RBM6: variants seen among roughly 807,000 people sequenced by gnomAD.
RBM6 encodes the protein RNA binding motif protein 6, also known as RNA-binding protein 6.
RBM6 carries 23 observed loss-of-function variants against 140.4 expected under a neutral mutation model. That is an observed-to-expected ratio of 0.16 (90% CI 0.12 to 0.23). The LOEUF (loss-of-function observed/expected upper bound fraction) is 0.23. Ranked by LOEUF, RBM6 falls within the 10% of genes least tolerant of loss-of-function variation. The pLI is 1.00. For missense variants in RBM6, 1,139 were observed against 1,386.7 expected (o/e 0.82, Z 2.84); for synonymous variants, 439 against 475.6 (o/e 0.92, Z 1.00).
At chr3:50,061,439 G>T in intron 13 of RBM6, 23 bp from the exon 14 acceptor site, 1 of 1,587,406 alleles carries the variant, frequency 6.3e-7, no homozygotes. Flanking sequence ...GACTAACATT[G>T]GCTCTGATCT....
chr3:50,073,102 G>A (rs1019925332), intron 19 of RBM6, among the ~76,000 whole-genome samples: 3 of 152,140 alleles, frequency 2.0e-5, no homozygotes, highest in African/African-American at 4.8e-5. Flanking sequence ...TATTATTTCA[G>A]AGTAGCAGCA....
Position 49,981,051 on chromosome 3 carries a change from TGCCACCATGCCCA to T in RBM6, c.1483+5662_1483+5674del, listed in dbSNP as rs755789125. Among the ~76,000 whole-genome samples the T allele has an allele frequency of 9.9e-4, 150 of 151,954 alleles. 1 individual carries two copies. Among genetic ancestry groups the T allele is most frequent in the Non-Finnish European group, 1.9e-3 (127 of 67,950 alleles). ...CGGAGTAGCTGGGATTATAGGCGCC[TGCCACCATGCCCA>T]GCTAATTTTTTGTATTTTTTAGTAG... On this transcript the variant is annotated intron_variant, in intron 5 of 20. Coordinates refer to ENST00000266022, the MANE Select transcript of RBM6 (RefSeq NM_005777.3).
chr3:50,044,896 T>A (rs1216808944), intron 6 of RBM6, among the ~76,000 whole-genome samples: 1 of 152,108 alleles, frequency 6.6e-6, no homozygotes, highest in Non-Finnish European at 1.5e-5. Context: ...TTTGGAAAAA[T>A]AATAATAATT....
intron 6 of RBM6, among the ~76,000 whole-genome samples, chr3:50,000,671 G>A (rs1372198341): frequency 7.2e-5 from 11 of 151,874 alleles, no homozygotes; most frequent in Non-Finnish European, 1.5e-4. Context: ...TGCCTGCCTC[G>A]GCCTCCCAAA....
chr3:50,073,470 A>G lies in RBM6; in HGVS notation c.3117-1731A>G, dbSNP rs533865066. Among the ~76,000 whole-genome samples, 8 of 152,318 alleles carry G rather than the reference A, an allele frequency of 5.3e-5. No individual in the cohort carries two copies. The East Asian group carries it at 1.5e-3, about 29-fold the overall frequency. ...ACTCCTGCAATAACAGCATTAATCC[A>G]TTTGTGAGGGCAGAGCTCTCATGAC... On this transcript the variant is annotated intron_variant, in intron 19 of 20. Transcript: ENST00000266022.
chr3:50,033,639 T>C (rs2088317566), intron 6 of RBM6, among the ~76,000 whole-genome samples: 2 of 151,990 alleles, frequency 1.3e-5, no homozygotes, highest in Admixed American at 6.6e-5. Flanking sequence ...GCTTTGGATA[T>C]GGTTTTTTCT....
intron 5 of RBM6, 56 bp downstream of exon 5, chr3:49,975,448 C>A: frequency 7.2e-7 from 1 of 1,380,950 alleles, no homozygotes; most frequent in Non-Finnish European, 1.0e-6. Flanking sequence ...TGTCAGATCT[C>A]TGCATCATGT....
chr3:50,073,144 A>C (rs1363305411), intron 19 of RBM6, among the ~76,000 whole-genome samples: 5 of 152,196 alleles, frequency 3.3e-5, no homozygotes, highest in African/African-American at 1.2e-4. Context: ...GGTCTGATCC[A>C]TCCTCCTCCT....
At chr3:49,941,670 A>AAAAAAAAAC (rs2083288832) in intron 1 of RBM6, among the ~76,000 whole-genome samples, 1 of 146,812 alleles carries the variant, frequency 6.8e-6, no homozygotes, top group African/African-American at 2.5e-5. Flanking sequence ...AAAAAAAAAA[A>AAAAAAAAAC]CCCGCAAAAC....
intron 5 of RBM6, among the ~76,000 whole-genome samples, chr3:49,975,646 G>A (rs563553604): frequency 1.8e-4 from 28 of 152,318 alleles, no homozygotes; most frequent in Middle Eastern, 3.4e-3. Flanking sequence ...TGCAGCAATT[G>A]CCTTGAATAT....
chr3:49,987,725 G>A (rs146958887), intron 5 of RBM6, among the ~76,000 whole-genome samples: 6,838 of 151,578 alleles, frequency 0.045, 226 homozygotes, highest in Non-Finnish European at 0.062. Flanking sequence ...TGCAACCTCT[G>A]CCTCCTGGGT....
Position 50,060,904 on chromosome 3 carries a change from G to A in RBM6, c.2229-52G>A, listed in dbSNP as rs17050913. 4.3e-3 allele frequency: 6,479 copies of A among 1,514,224 alleles called. 235 individuals carry two copies. In the African/African-American group the frequency reaches 0.082, roughly 19 times the overall value. 93.8% of individuals were successfully genotyped at this position (1,514,224 alleles called of 1,614,324 possible). On this transcript the variant is annotated intron_variant, in intron 11 of 20. Coordinates refer to ENST00000266022, the MANE Select transcript of RBM6 (RefSeq NM_005777.3). ...ATAGGAACTGTAGGATTAAGTACTC[G>A]TCAAATGCCACTTGGTAGCAGCCTT...
intron 7 of RBM6, 65 bp downstream of exon 7, chr3:50,048,384 A>G: frequency 1.3e-6 from 2 of 1,568,162 alleles, no homozygotes; most frequent in Non-Finnish European, 1.7e-6. Context: ...CCATATCTCT[A>G]GGAAGGCTGC....
chr3:50,018,597 T>G (rs1033723518), intron 6 of RBM6, among the ~76,000 whole-genome samples: 1 of 136,272 alleles, frequency 7.3e-6, no homozygotes, highest in African/African-American at 2.8e-5. Context: ...TTTTTTTTTT[T>G]TTTTTTTTTT....
At chr3:50,055,365 G>C (rs2089659669) in intron 8 of RBM6, among the ~76,000 whole-genome samples, 1 of 152,166 alleles carries the variant, frequency 6.6e-6, no homozygotes, top group African/African-American at 2.4e-5. Flanking sequence ...AGGAGTCAGA[G>C]GTTGCAGTGA....
At chr3:49,961,785 A>G (rs1465786149) in intron 1 of RBM6, among the ~76,000 whole-genome samples, 3 of 148,360 alleles carry the variant, frequency 2.0e-5, no homozygotes, top group Non-Finnish European at 4.5e-5. Context: ...GGCGACAGAG[A>G]GAGATTCTGT....
chr3:49,975,427 G>A (rs2085021733), intron 5 of RBM6, 35 bp downstream of exon 5: 1 of 1,530,776 alleles, frequency 6.5e-7, no homozygotes, highest in Non-Finnish European at 9.0e-7. Context: ...CCTTGGGTTA[G>A]GAAGGGTCTT....
intron 6 of RBM6, among the ~76,000 whole-genome samples, chr3:50,022,993 G>A (rs2087588037): frequency 6.6e-6 from 1 of 152,086 alleles, no homozygotes; most frequent in Non-Finnish European, 1.5e-5. Context: ...CAGCTACTAG[G>A]GAGGCTGAGA....
At chr3:49,950,955 T>C (rs994904208) in intron 1 of RBM6, among the ~76,000 whole-genome samples, 4 of 152,076 alleles carry the variant, frequency 2.6e-5, no homozygotes, top group Admixed American at 2.0e-4. Flanking sequence ...CAACTATTCA[T>C]TGATGGATGA....
Sources: allele counts gnomAD v4.1 joint callset (sites outside exome capture counted in the v4.1 genomes callset), GRCh38; gene constraint gnomAD v4.1.1; transcripts MANE v1.5; gene names NCBI Gene and HGNC (gene_info 2026-07-23, HGNC 2026-07-21).